SLC24A2: variants seen among roughly 807,000 people sequenced by gnomAD.
SLC24A2 encodes sodium/potassium/calcium exchanger 2.
SLC24A2 carries 36 observed loss-of-function variants against 62.0 expected under a neutral mutation model. The ratio of observed to expected loss-of-function variants is 0.58; its 90% CI spans 0.44 to 0.77. The LOEUF (loss-of-function observed/expected upper bound fraction) is 0.77. Ranked by LOEUF, SLC24A2 falls within the 30% of genes least tolerant of loss-of-function variation. The pLI is 0.00. For missense variants in SLC24A2, 846 were observed against 817.9 expected (o/e 1.03, Z -0.42); for synonymous variants, 358 against 294.0 (o/e 1.22, Z -2.23).
chr9:20,281,828 A>G, the SLC24A2 span, among the ~76,000 whole-genome samples: 10 of 152,184 alleles, frequency 6.6e-5, no homozygotes, highest in African/African-American at 2.4e-4. Context: ...TAATCTGGGG[A>G]AAATTGATAT....
chr9:19,535,648 AG>A (rs1833926946), intron 8 of SLC24A2, among the ~76,000 whole-genome samples: 2 of 152,146 alleles, frequency 1.3e-5, no homozygotes, highest in Admixed American at 1.3e-4. Flanking sequence ...GGTTTGTCAA[AG>A]ATTAGATGAT....
At chr9:19,657,264 G>A (rs1157626962) in intron 2 of SLC24A2, among the ~76,000 whole-genome samples, 1 of 152,058 alleles carries the variant, frequency 6.6e-6, no homozygotes, top group East Asian at 1.9e-4. Flanking sequence ...CACCATTATT[G>A]TTTTAAATCT....
chr9:19,973,791 A>G, the SLC24A2 span, among the ~76,000 whole-genome samples: 2 of 152,236 alleles, frequency 1.3e-5, no homozygotes, highest in African/African-American at 4.8e-5. Context: ...TTTCAAAATA[A>G]TTAACTAAAA....
the SLC24A2 span, among the ~76,000 whole-genome samples, chr9:20,167,202 T>A: frequency 6.6e-6 from 1 of 152,072 alleles, no homozygotes; most frequent in Non-Finnish European, 1.5e-5. Flanking sequence ...ACAAAAGACT[T>A]TGACTGTATA....
the SLC24A2 span, among the ~76,000 whole-genome samples, chr9:20,077,916 T>A: frequency 6.6e-6 from 1 of 152,136 alleles, no homozygotes; most frequent in African/African-American, 2.4e-5. Context: ...GGAAAATATA[T>A]CATAGATGCA....
the SLC24A2 span, among the ~76,000 whole-genome samples, chr9:20,133,678 G>T: frequency 1.3e-5 from 2 of 151,920 alleles, no homozygotes; most frequent in Non-Finnish European, 2.9e-5. Context: ...CTATTTATTG[G>T]TATACATTGC....
intron 2 of SLC24A2, among the ~76,000 whole-genome samples, chr9:19,706,880 G>A (rs1022515832): frequency 2.6e-5 from 4 of 151,964 alleles, no homozygotes; most frequent in African/African-American, 7.3e-5. Flanking sequence ...TCAAAAGCTA[G>A]CGGAAGGCAA....
the SLC24A2 span, among the ~76,000 whole-genome samples, chr9:20,247,750 G>A: frequency 6.6e-6 from 1 of 152,196 alleles, no homozygotes; most frequent in Non-Finnish European, 1.5e-5. Context: ...CAGAGTTGGA[G>A]CCTTTTCAGG....
chr9:20,080,554 G>A, the SLC24A2 span, among the ~76,000 whole-genome samples: 1 of 152,072 alleles, frequency 6.6e-6, no homozygotes, highest in African/African-American at 2.4e-5. Flanking sequence ...TACCATTCAG[G>A]ACATAGGCAT....
chr9:20,039,677 T>C, the SLC24A2 span, among the ~76,000 whole-genome samples: 1 of 151,964 alleles, frequency 6.6e-6, no homozygotes, highest in Non-Finnish European at 1.5e-5. Context: ...TGCTGGAAAC[T>C]TGGAGGTACT....
the SLC24A2 span, among the ~76,000 whole-genome samples, chr9:20,054,918 T>TA: frequency 6.6e-6 from 1 of 152,184 alleles, no homozygotes; most frequent in African/African-American, 2.4e-5. Context: ...CTCTCAATCA[T>TA]AAAAAACAAG....
the SLC24A2 span, among the ~76,000 whole-genome samples, chr9:19,980,304 G>A: frequency 2.0e-5 from 3 of 152,120 alleles, no homozygotes; most frequent in African/African-American, 7.2e-5. Flanking sequence ...TTGGTCTCTG[G>A]ATCCACACTT....
the SLC24A2 span, among the ~76,000 whole-genome samples, chr9:19,999,184 C>T: frequency 6.6e-6 from 1 of 152,326 alleles, no homozygotes. Flanking sequence ...CAGGGAGCCA[C>T]GGCTTTGCCT....
chr9:19,558,652 T>A (rs1199179415), intron 7 of SLC24A2, among the ~76,000 whole-genome samples: 3 of 152,174 alleles, frequency 2.0e-5, no homozygotes, highest in African/African-American at 7.2e-5. Flanking sequence ...AAATAGGAGA[T>A]AATTTTCAGA....
At chr9:19,807,450 T>C in the SLC24A2 span, among the ~76,000 whole-genome samples, 1 of 152,206 alleles carries the variant, frequency 6.6e-6, no homozygotes, top group Non-Finnish European at 1.5e-5. Context: ...GAAGAAAAAG[T>C]ACAACAGTGG....
chr9:19,866,527 T>C, the SLC24A2 span, among the ~76,000 whole-genome samples: 34 of 151,476 alleles, frequency 2.2e-4, no homozygotes, highest in East Asian at 1.9e-4. Flanking sequence ...CCATAAAATA[T>C]AGCGAGATTC....
the SLC24A2 span, among the ~76,000 whole-genome samples, chr9:20,069,251 G>A: frequency 1.7e-3 from 257 of 152,144 alleles, 2 homozygotes; most frequent in Non-Finnish European, 4.1e-4. Context: ...GAATTACATC[G>A]TTTTATTAGC....
the SLC24A2 span, among the ~76,000 whole-genome samples, chr9:20,158,541 T>C: frequency 6.6e-6 from 1 of 151,686 alleles, no homozygotes; most frequent in Admixed American, 6.6e-5. Context: ...CCCAGGATCT[T>C]GATCCTAGAC....
the SLC24A2 span, among the ~76,000 whole-genome samples, chr9:19,891,088 A>G: frequency 6.6e-6 from 1 of 152,264 alleles, no homozygotes; most frequent in South Asian, 2.1e-4. Flanking sequence ...GTCCATCTAC[A>G]AGTCCATTAT....
Sources: allele counts gnomAD v4.1 joint callset (sites outside exome capture counted in the v4.1 genomes callset), GRCh38; gene constraint gnomAD v4.1.1; transcripts MANE v1.5; gene names NCBI Gene and HGNC (gene_info 2026-07-23, HGNC 2026-07-21).